Variants in KAZN observed in about 807,000 individuals in gnomAD.
KAZN encodes the protein kazrin.
KAZN carries 40 observed loss-of-function variants against 87.4 expected under a neutral mutation model. That is an observed-to-expected ratio of 0.46 (90% CI 0.36 to 0.60). KAZN has a LOEUF of 0.60. KAZN is among the 20% of genes least tolerant of loss of function. The pLI, the probability that KAZN is intolerant of heterozygous loss-of-function variation, is 0.00. For synonymous variants in KAZN, 466 were observed against 458.3 expected, an observed-to-expected ratio of 1.02 and a Z score of -0.22; for missense variants, 898 against 1,073.9, an observed-to-expected ratio of 0.84 and a Z score of 2.29.
intron 2 of KAZN, among the ~76,000 whole-genome samples, chr1:14,450,386 C>T (rs907407142): frequency 1.3e-5 from 2 of 152,016 alleles, no homozygotes; most frequent in South Asian, 2.1e-4. Flanking sequence ...GTCAAGAGTT[C>T]GAGACCAGCC....
chr1:14,885,181 T>C (rs1205476429), intron 1 of KAZN, among the ~76,000 whole-genome samples: 1 of 152,184 alleles, frequency 6.6e-6, no homozygotes. Flanking sequence ...AATGGGGATA[T>C]AATCACCACT....
At chr1:14,016,457 T>A (rs1640577521) in intron 1 of KAZN, among the ~76,000 whole-genome samples, 1 of 152,176 alleles carries the variant, frequency 6.6e-6, no homozygotes, top group Non-Finnish European at 1.5e-5. Flanking sequence ...TGACTGAATC[T>A]GTGGGATTCA....
At chr1:14,790,243 C>T (rs1315320826) in intron 1 of KAZN, among the ~76,000 whole-genome samples, 1 of 151,922 alleles carries the variant, frequency 6.6e-6, no homozygotes, top group Non-Finnish European at 1.5e-5. Flanking sequence ...AACTCCCGAC[C>T]TTAAGTGATG....
chr1:14,196,170 G>T (rs1005039500), intron 2 of KAZN, among the ~76,000 whole-genome samples: 4 of 152,154 alleles, frequency 2.6e-5, no homozygotes, highest in Non-Finnish European at 4.4e-5. Context: ...GGTGAGCAAG[G>T]GTGAGAGTTC....
chr1:14,740,658 G>A (rs527865604), intron 1 of KAZN, among the ~76,000 whole-genome samples: 3 of 152,204 alleles, frequency 2.0e-5, no homozygotes, highest in Non-Finnish European at 2.9e-5. Context: ...CTGGCCGCCC[G>A]CACTCCCATC....
At chr1:14,349,207 G>C (rs1658336793) in intron 2 of KAZN, 1 of 152,256 alleles carries the variant, frequency 6.6e-6, no homozygotes, top group Non-Finnish European at 1.5e-5. Context: ...AATGGTCCAG[G>C]AGGGATACAT....
At chr1:14,419,967 G>A (rs759893962) in intron 2 of KAZN, among the ~76,000 whole-genome samples, 4 of 152,176 alleles carry the variant, frequency 2.6e-5, no homozygotes, top group African/African-American at 4.8e-5. Flanking sequence ...AACATTAGGG[G>A]ATTGCCACTC....
chr1:14,418,603 C>T (rs764265200), intron 2 of KAZN, among the ~76,000 whole-genome samples: 1 of 152,186 alleles, frequency 6.6e-6, no homozygotes, highest in Non-Finnish European at 1.5e-5. Context: ...CTCTAGATAG[C>T]AAGGCTTGTT....
At chr1:14,293,508 A>T (rs1184035838) in intron 2 of KAZN, among the ~76,000 whole-genome samples, 7 of 152,162 alleles carry the variant, frequency 4.6e-5, no homozygotes. Context: ...GCCATGTCCC[A>T]ACAGGATCAC....
chr1:14,740,210 A>G (rs1254204967), intron 1 of KAZN, among the ~76,000 whole-genome samples: 1 of 152,154 alleles, frequency 6.6e-6, no homozygotes, highest in African/African-American at 2.4e-5. Context: ...AGCTCAGGGA[A>G]CCAACCGTGG....
intron 7 of KAZN, 96 bp downstream of exon 7, chr1:15,063,718 C>A: frequency 1.0e-6 from 1 of 977,764 alleles, no homozygotes; most frequent in Non-Finnish European, 1.6e-6. Flanking sequence ...CCATGCCGCA[C>A]ACCCAAGGTG....
At chr1:13,966,974 G>A (rs1044591683) in intron 1 of KAZN, among the ~76,000 whole-genome samples, 14 of 152,150 alleles carry the variant, frequency 9.2e-5, no homozygotes, top group South Asian at 2.1e-4. Context: ...AAATCACTGC[G>A]TTCTACTGTG....
chr1:14,847,591 G>GT (rs1193137137), intron 1 of KAZN, among the ~76,000 whole-genome samples: 3 of 152,178 alleles, frequency 2.0e-5, no homozygotes, highest in African/African-American at 7.2e-5. Flanking sequence ...CACTACTTCT[G>GT]TATGTCTTTA....
intron 2 of KAZN, among the ~76,000 whole-genome samples, chr1:14,279,650 G>A (rs942669861): frequency 6.6e-6 from 1 of 152,182 alleles, no homozygotes; most frequent in African/African-American, 2.4e-5. Flanking sequence ...AGATAAGGAT[G>A]CCCGTCTCCT....
chr1:13,953,356 A>G (rs1641425025), intron 1 of KAZN, among the ~76,000 whole-genome samples: 1 of 152,190 alleles, frequency 6.6e-6, no homozygotes, highest in Admixed American at 6.5e-5. Flanking sequence ...ACTAAGCCTG[A>G]CTACGGGAGA....
chr1:14,158,293 A>G (rs933765083), intron 1 of KAZN, among the ~76,000 whole-genome samples: 2 of 151,694 alleles, frequency 1.3e-5, no homozygotes, highest in African/African-American at 4.9e-5. Context: ...ATTGTTTTTT[A>G]TTCTTTTTTC....
chr1:14,111,828 T>G (rs2101674638), intron 1 of KAZN, among the ~76,000 whole-genome samples: 1 of 151,226 alleles, frequency 6.6e-6, no homozygotes, highest in South Asian at 2.1e-4. Context: ...CAACCTCGGC[T>G]TCCTGGGTTC....
chr1:14,453,105 A>G (rs1157794037), intron 2 of KAZN, among the ~76,000 whole-genome samples: 1 of 151,936 alleles, frequency 6.6e-6, no homozygotes, highest in Non-Finnish European at 1.5e-5. Flanking sequence ...ACAGGCGCCC[A>G]CCACTACACC....
chr1:14,454,918 G>C (rs1054964516), intron 2 of KAZN, among the ~76,000 whole-genome samples: 1 of 152,196 alleles, frequency 6.6e-6, no homozygotes, highest in Non-Finnish European at 1.5e-5. Context: ...GATGCCTCAG[G>C]CTCAGCATCT....
Sources: allele counts gnomAD v4.1 joint callset (sites outside exome capture counted in the v4.1 genomes callset), GRCh38; gene constraint gnomAD v4.1.1; transcripts MANE v1.5; gene names NCBI Gene and HGNC (gene_info 2026-07-23, HGNC 2026-07-21).